The following LAMA4 variants were observed in gnomAD, a reference collection of about 807,000 sequenced individuals.
The protein encoded by LAMA4 is laminin subunit alpha-4.
Under a neutral mutation model 207.1 loss-of-function variants are expected in LAMA4, and 127 were observed. That is an observed-to-expected ratio of 0.61 (90% CI 0.53 to 0.71). The LOEUF (loss-of-function observed/expected upper bound fraction) is 0.71. LAMA4 is among the 30% of genes least tolerant of loss of function. The probability of loss-of-function intolerance (pLI) is 0.00; values close to 1 mark genes in which losing one functional copy is unlikely to be tolerated. For synonymous variants in LAMA4, 761 were observed against 816.0 expected, an observed-to-expected ratio of 0.93 and a Z score of 1.15; for missense variants, 2,093 against 2,246.5, an observed-to-expected ratio of 0.93 and a Z score of 1.38.
intron 2 of LAMA4, among the ~76,000 whole-genome samples, chr6:112,240,638 G>T (rs1363346666): frequency 1.3e-5 from 2 of 152,146 alleles, no homozygotes; most frequent in African/African-American, 4.8e-5. Context: ...ACAAATAAGT[G>T]AGAACATGCG....
intron 2 of LAMA4, chr6:112,236,688 C>T (rs1340421311): frequency 3.9e-5 from 6 of 152,230 alleles, no homozygotes; most frequent in Non-Finnish European, 8.8e-5. Context: ...TGCAGTTTGC[C>T]TTCATGACAC....
chr6:112,154,720 A>G, intron 16 of LAMA4, 131 bp downstream of exon 16: 1 of 713,434 alleles, frequency 1.4e-6, no homozygotes, highest in East Asian at 2.6e-5. Context: ...GACTCTGAGC[A>G]GGAACTACTG....
At chr6:112,177,226 A>G (rs1386729717) in intron 10 of LAMA4, among the ~76,000 whole-genome samples, 1 of 152,246 alleles carries the variant, frequency 6.6e-6, no homozygotes, top group African/African-American at 2.4e-5. Flanking sequence ...TATAATAGAC[A>G]TCAAAGGAAA....
intron 36 of LAMA4, 56 bp downstream of exon 36, chr6:112,115,807 A>G: frequency 6.5e-7 from 1 of 1,538,292 alleles, no homozygotes; most frequent in Non-Finnish European, 9.0e-7. Flanking sequence ...AATCTGCTTC[A>G]GATCTAGAAT....
intron 4 of LAMA4, among the ~76,000 whole-genome samples, chr6:112,206,210 T>C (rs1784049554): frequency 6.6e-6 from 1 of 152,174 alleles, no homozygotes. Flanking sequence ...GTGACTAGCC[T>C]GGGGACCCCA....
At chr6:112,248,753 C>T (rs1554189137) in intron 2 of LAMA4, among the ~76,000 whole-genome samples, 2 of 151,652 alleles carry the variant, frequency 1.3e-5, no homozygotes, top group African/African-American at 2.4e-5. Flanking sequence ...ACGTGGAGGA[C>T]ACACCCTAGA....
chr6:112,232,121 G>A (rs945474181), intron 2 of LAMA4, among the ~76,000 whole-genome samples: 2 of 152,090 alleles, frequency 1.3e-5, no homozygotes, highest in African/African-American at 2.4e-5. Context: ...AGTGGCAGTC[G>A]GCTCAGGGAC....
At position 112,141,874 on chromosome 6, in the gene LAMA4, T is replaced by C. The variant is rs2072026; in HGVS notation, c.2667+245A>G. 0.62 allele frequency among the ~76,000 whole-genome samples: 93,934 copies of C among 152,042 alleles called. 29,137 individuals carry two copies. The highest frequency in any genetic ancestry group is 0.65 in the African/African-American group (26,784 of 41,464). On this transcript the variant is annotated intron_variant, in intron 20 of 38. Transcript: ENST00000230538. ...TCTTTCTGAAAGTCTTTGAGGTGTT[T>C]CATTCAGACTCATCAAAGTTAGTAG...
At chr6:112,114,830 A>G in intron 36 of LAMA4, 74 bp from the exon 37 acceptor site, 3 of 1,058,874 alleles carry the variant, frequency 2.8e-6, no homozygotes, top group South Asian at 1.3e-5. Flanking sequence ...TAAATAATTT[A>G]CCACAGTGAA....
At chr6:112,205,450 A>G (rs1000517786) in intron 4 of LAMA4, among the ~76,000 whole-genome samples, 36 of 151,170 alleles carry the variant, frequency 2.4e-4, no homozygotes, top group African/African-American at 8.7e-4. Context: ...TTGACTTCAA[A>G]TCCCATGGAA....
Position 112,148,396 on chromosome 6 carries a change from A to G in LAMA4, c.2174-60T>C, listed in dbSNP as rs1345698121. 31 of 1,552,978 alleles carry G rather than the reference A, an allele frequency of 2.0e-5. No homozygotes were observed. The African/African-American group carries it at 3.5e-4, about 18-fold the overall frequency. On this transcript the variant is annotated intron_variant, in intron 17 of 38. Transcript: ENST00000230538. ...AGAAGCCGGATATTTGTTGGGGAAC[A>G]TTAACACCCCTTTAACCCTTGAATG...
At chr6:112,133,622 G>A (rs1554330650) in intron 26 of LAMA4, 135 bp from the exon 27 acceptor site, 1 of 1,115,016 alleles carries the variant, frequency 9.0e-7, no homozygotes, top group Non-Finnish European at 1.3e-6. Flanking sequence ...TGCTTTCTTT[G>A]ATAGGCACAC....
intron 31 of LAMA4, among the ~76,000 whole-genome samples, chr6:112,128,177 CTG>C (rs1778810960): frequency 6.6e-6 from 1 of 152,124 alleles, no homozygotes. Flanking sequence ...TTTATACAAA[CTG>C]TTAAGCACAG....
At position 112,150,591 on chromosome 6, in the gene LAMA4, A is replaced by G; in HGVS notation, c.2093T>C (p.Val698Ala). ...ACTTTTCCTTGCTAGGGCTCCACCC[A>G]CACGCCTGCTAGTGTCAGCCACTGC... The part of the protein sequence containing the change: ...DEAVADTSRR[V>A]GGALARKSAL... The change falls in exon 17 of 39, where the codon GTG becomes GCG. Residue 698 changes from valine (V) to alanine (A), a missense_variant. Physicochemically the swap from Val to Ala is moderately conservative, Grantham distance 64 (BLOSUM62 0). Transcript: ENST00000230538. The G allele has an allele frequency of 6.2e-7, 1 of 1,614,072 alleles. No homozygotes were observed. The highest frequency in any genetic ancestry group is 8.5e-7 in the Non-Finnish European group (1 of 1,179,946).
At position 112,132,832 on chromosome 6, in the gene LAMA4, G is replaced by T. The variant is rs1554330310; in HGVS notation, c.3755C>A (p.Ser1252Tyr). The T allele has an allele frequency of 2.5e-6, 4 of 1,612,416 alleles. No homozygotes were observed. In the South Asian group the frequency reaches 3.3e-5, roughly 13 times the overall value. The change falls in exon 28 of 39, where the codon TCT becomes TAT. Residue 1252 changes from serine (S) to tyrosine (Y), a missense_variant. Coordinates refer to ENST00000230538, the MANE Select transcript of LAMA4 (RefSeq NM_001105206.3). ...QSFIASIQKISFFDGFEGGFN... is the reference protein window; with the variant it reads ...QSFIASIQKIYFFDGFEGGFN... ...ACCTCCTTCAAAGCCATCAAAGAAA[G>T]ATATTTTCTGAATTGAAGCAATGAA...
chr6:112,228,766 C>T (rs1381802990), intron 2 of LAMA4, among the ~76,000 whole-genome samples: 1 of 152,164 alleles, frequency 6.6e-6, no homozygotes, highest in Non-Finnish European at 1.5e-5. Flanking sequence ...CAGAATGGCC[C>T]CAACTTTCCC....
chr6:112,121,854 T>C (rs187167636), intron 32 of LAMA4, 160 bp downstream of exon 32: 69 of 659,426 alleles, frequency 1.0e-4, no homozygotes, highest in African/African-American at 1.0e-3. Context: ...ATTCTTTTGA[T>C]AGCATAAATC....
chr6:112,133,861 G>A (rs1010777221), intron 26 of LAMA4, among the ~76,000 whole-genome samples: 3 of 152,142 alleles, frequency 2.0e-5, no homozygotes, highest in Admixed American at 2.0e-4. Context: ...ATTTCACAGG[G>A]TTTAACGTAA....
At chr6:112,138,197 G>A (rs1438447068) in intron 24 of LAMA4, among the ~76,000 whole-genome samples, 1 of 152,088 alleles carries the variant, frequency 6.6e-6, no homozygotes, top group African/African-American at 2.4e-5. Flanking sequence ...ATGATACCTG[G>A]TTAGCTTACA....
Sources: allele counts gnomAD v4.1 joint callset (sites outside exome capture counted in the v4.1 genomes callset), GRCh38; gene constraint gnomAD v4.1.1; transcripts MANE v1.5; gene names NCBI Gene and HGNC (gene_info 2026-07-23, HGNC 2026-07-21).